Variants in GALNT13 observed in about 807,000 individuals in gnomAD.
The protein encoded by GALNT13 is UDP-GalNAc:polypeptide N-acetylgalactosaminyltransferase 13.
GALNT13 carries 28 observed loss-of-function variants against 64.2 expected under a neutral mutation model. The ratio of observed to expected loss-of-function variants is 0.44; its 90% CI spans 0.32 to 0.60. The LOEUF is 0.60. GALNT13 is among the 20% of genes least tolerant of loss of function. The pLI is 0.05. For missense variants in GALNT13, 577 were observed against 669.8 expected, an observed-to-expected ratio of 0.86 and a Z score of 1.53; for synonymous variants, 214 against 224.6, an observed-to-expected ratio of 0.95 and a Z score of 0.42.
chr2:154,226,942 G>C (rs1688647963), intron 4 of GALNT13, among the ~76,000 whole-genome samples: 1 of 152,096 alleles, frequency 6.6e-6, no homozygotes, highest in Non-Finnish European at 1.5e-5. Context: ...AATGGAAACA[G>C]TATCTATTCT....
intron 2 of GALNT13, among the ~76,000 whole-genome samples, chr2:153,941,997 A>G (rs183171577): frequency 6.8e-4 from 104 of 152,312 alleles, no homozygotes; most frequent in African/African-American, 2.3e-3. Flanking sequence ...TTTTTATCAT[A>G]AATAAAGTTT....
the GALNT13 span, among the ~76,000 whole-genome samples, chr2:153,275,943 T>TCACC: frequency 6.6e-6 from 1 of 152,320 alleles, no homozygotes; most frequent in South Asian, 2.1e-4. Flanking sequence ...ATTGCCTGCA[T>TCACC]CACCACCAAC....
At chr2:153,530,377 C>CA in the GALNT13 span, among the ~76,000 whole-genome samples, 1 of 151,788 alleles carries the variant, frequency 6.6e-6, no homozygotes, top group African/African-American at 2.4e-5. Context: ...AAGAAAATTT[C>CA]AAAAAATTGA....
the GALNT13 span, among the ~76,000 whole-genome samples, chr2:153,403,215 G>A: frequency 3.3e-5 from 5 of 150,016 alleles, no homozygotes; most frequent in Non-Finnish European, 3.0e-5. Flanking sequence ...CCCCTGCTGG[G>A]GGGTGCCTCC....
chr2:153,912,415 A>C (rs760514117), intron 2 of GALNT13, among the ~76,000 whole-genome samples: 5 of 152,148 alleles, frequency 3.3e-5, no homozygotes, highest in African/African-American at 4.8e-5. Context: ...CATTTCAGCC[A>C]TCTGACCTCA....
the GALNT13 span, among the ~76,000 whole-genome samples, chr2:153,813,108 C>T: frequency 1.3e-5 from 2 of 152,078 alleles, no homozygotes; most frequent in Admixed American, 6.6e-5. Context: ...TGTCATTTCT[C>T]ACTTAGGTTT....
the GALNT13 span, among the ~76,000 whole-genome samples, chr2:153,177,912 C>A: frequency 6.6e-6 from 1 of 152,148 alleles, no homozygotes. Context: ...CCATTCTACT[C>A]GCTGCTTCTG....
chr2:153,564,295 C>G, the GALNT13 span, among the ~76,000 whole-genome samples: 3 of 152,198 alleles, frequency 2.0e-5, no homozygotes, highest in Admixed American at 6.5e-5. Context: ...CCTGCACTCT[C>G]AATTCTATCC....
chr2:153,852,354 G>T, the GALNT13 span, among the ~76,000 whole-genome samples: 2 of 152,062 alleles, frequency 1.3e-5, no homozygotes, highest in South Asian at 4.1e-4. Context: ...AGATAAAGTG[G>T]ATTACCAAGT....
the GALNT13 span, among the ~76,000 whole-genome samples, chr2:153,658,349 T>G: frequency 6.6e-6 from 1 of 152,144 alleles, no homozygotes; most frequent in African/African-American, 2.4e-5. Context: ...TATTTCCTAT[T>G]CACTTCCATG....
At chr2:153,699,166 A>G in the GALNT13 span, among the ~76,000 whole-genome samples, 1 of 152,168 alleles carries the variant, frequency 6.6e-6, no homozygotes, top group Non-Finnish European at 1.5e-5. Context: ...GGTTGCAAAA[A>G]AGAAAAGAAA....
At chr2:154,100,953 A>T (rs187735768) in intron 3 of GALNT13, among the ~76,000 whole-genome samples, 7 of 151,966 alleles carry the variant, frequency 4.6e-5, no homozygotes, top group Non-Finnish European at 7.4e-5. Context: ...TTTTATATCT[A>T]TTGAGGTGGT....
the GALNT13 span, among the ~76,000 whole-genome samples, chr2:153,071,517 G>A: frequency 6.6e-6 from 1 of 152,152 alleles, no homozygotes; most frequent in African/African-American, 2.4e-5. Flanking sequence ...AACCAATGTG[G>A]TTATATGTAT....
intron 3 of GALNT13, among the ~76,000 whole-genome samples, chr2:154,036,895 G>C (rs1698688899): frequency 2.0e-5 from 3 of 151,890 alleles, no homozygotes; most frequent in Non-Finnish European, 4.4e-5. Context: ...ATGTACATTG[G>C]ATATCTGTAT....
At chr2:153,708,990 C>T in the GALNT13 span, among the ~76,000 whole-genome samples, 8 of 151,878 alleles carry the variant, frequency 5.3e-5, no homozygotes, top group Non-Finnish European at 7.4e-5. Flanking sequence ...CAACCCAAAA[C>T]GGATTAAAGA....
chr2:153,549,813 T>G, the GALNT13 span, among the ~76,000 whole-genome samples: 1 of 152,238 alleles, frequency 6.6e-6, no homozygotes, highest in Non-Finnish European at 1.5e-5. Flanking sequence ...AGTGGGATTT[T>G]GCTGATGACC....
the GALNT13 span, among the ~76,000 whole-genome samples, chr2:153,165,279 A>T: frequency 6.6e-6 from 1 of 152,228 alleles, no homozygotes; most frequent in African/African-American, 2.4e-5. Flanking sequence ...GGAGAGAAAC[A>T]TTATACATCC....
the GALNT13 span, among the ~76,000 whole-genome samples, chr2:153,668,127 C>T: frequency 6.6e-6 from 1 of 152,154 alleles, no homozygotes; most frequent in Non-Finnish European, 1.5e-5. Context: ...TTCTTAGAGA[C>T]AACAAAGACA....
chr2:153,244,878 G>A, the GALNT13 span, among the ~76,000 whole-genome samples: 38 of 152,324 alleles, frequency 2.5e-4, no homozygotes, highest in Non-Finnish European at 4.7e-4. Flanking sequence ...AAGAACCACT[G>A]GCTTGAAATT....
Sources: allele counts gnomAD v4.1 joint callset (sites outside exome capture counted in the v4.1 genomes callset), GRCh38; gene constraint gnomAD v4.1.1; transcripts MANE v1.5; gene names NCBI Gene and HGNC (gene_info 2026-07-23, HGNC 2026-07-21).